The following DPP4 variants were observed in gnomAD, a reference collection of about 807,000 sequenced individuals.
DPP4 encodes the protein ADCP-2.
A neutral mutation model predicts 122.4 loss-of-function variants in DPP4; 93 were observed. That is an observed-to-expected ratio of 0.76 (90% CI 0.64 to 0.90). DPP4 has a LOEUF of 0.90. Ranked by LOEUF, DPP4 falls within the 40% of genes least tolerant of loss-of-function variation. The probability of loss-of-function intolerance (pLI) is 0.00; values close to 1 mark genes in which losing one functional copy is unlikely to be tolerated. For synonymous variants in DPP4, 321 were observed against 302.9 expected, an observed-to-expected ratio of 1.06 and a Z score of -0.62; for missense variants, 914 against 907.3, an observed-to-expected ratio of 1.01 and a Z score of -0.09.
intron 22 of DPP4, among the ~76,000 whole-genome samples, chr2:162,006,638 T>C (rs750174303): frequency 6.6e-6 from 1 of 152,148 alleles, no homozygotes; most frequent in Non-Finnish European, 1.5e-5. Flanking sequence ...CATAATTGGT[T>C]TGGTTATTTT....
At chr2:162,006,897 A>G (rs1021134864) in intron 22 of DPP4, among the ~76,000 whole-genome samples, 7 of 152,116 alleles carry the variant, frequency 4.6e-5, no homozygotes, top group African/African-American at 1.4e-4. Context: ...AAGTATTTCA[A>G]AACTGATTTC....
At chr2:161,994,249 A>T (rs1366424173) in intron 25 of DPP4, among the ~76,000 whole-genome samples, 1 of 152,150 alleles carries the variant, frequency 6.6e-6, no homozygotes, top group African/African-American at 2.4e-5. Flanking sequence ...TAACTGTCCC[A>T]CTCCTGTGCA....
chr2:162,016,709 A>C (rs1256198347), intron 18 of DPP4, 59 bp downstream of exon 18: 1 of 1,093,294 alleles, frequency 9.1e-7, no homozygotes, highest in Non-Finnish European at 1.3e-6. Flanking sequence ...TCGAATTACT[A>C]TAGTTAGAGT....
chr2:162,070,551 C>T (rs1685082437), intron 2 of DPP4, among the ~76,000 whole-genome samples: 1 of 151,846 alleles, frequency 6.6e-6, no homozygotes, highest in Admixed American at 6.6e-5. Flanking sequence ...TTCCTTCTTC[C>T]TTTCCTTTCC....
intron 2 of DPP4, among the ~76,000 whole-genome samples, chr2:162,062,660 T>C (rs1362009030): frequency 6.6e-6 from 1 of 152,258 alleles, no homozygotes; most frequent in East Asian, 1.9e-4. Flanking sequence ...CCTGGCCATA[T>C]GGCCCCTCCA....
intron 9 of DPP4, among the ~76,000 whole-genome samples, chr2:162,034,216 AT>A (rs1202510848): frequency 1.3e-5 from 2 of 152,116 alleles, no homozygotes; most frequent in Non-Finnish European, 2.9e-5. Context: ...ACTGAAACCT[AT>A]AAAACCTTTT....
At chr2:162,022,435 G>A (rs949493761) in intron 12 of DPP4, among the ~76,000 whole-genome samples, 1 of 152,174 alleles carries the variant, frequency 6.6e-6, no homozygotes, top group Admixed American at 6.5e-5. Context: ...CTTCAAATGT[G>A]AGGTCACTGG....
intron 2 of DPP4, among the ~76,000 whole-genome samples, chr2:162,062,212 G>A (rs1230225506): frequency 1.3e-5 from 2 of 152,172 alleles, no homozygotes; most frequent in African/African-American, 4.8e-5. Flanking sequence ...AAACTGGGAG[G>A]CAGTGGTTGC....
chr2:162,023,391 C>T (rs944938321), intron 11 of DPP4, among the ~76,000 whole-genome samples: 28 of 152,176 alleles, frequency 1.8e-4, no homozygotes, highest in African/African-American at 6.5e-4. Flanking sequence ...AAACAACTCC[C>T]CATTTCTTAC....
At chr2:162,002,494 T>C (rs1701175908) in intron 23 of DPP4, among the ~76,000 whole-genome samples, 2 of 152,206 alleles carry the variant, frequency 1.3e-5, no homozygotes, top group Admixed American at 1.3e-4. Context: ...CTTTGGTCAT[T>C]CCTAATCCTC....
intron 19 of DPP4, 84 bp from the exon 20 acceptor site, chr2:162,012,071 G>T: frequency 7.4e-7 from 1 of 1,357,904 alleles, no homozygotes; most frequent in Non-Finnish European, 1.0e-6. Context: ...CCGTGGAGAA[G>T]TATGCATCCT....
At chr2:162,047,354 C>T (rs1206613369) in intron 3 of DPP4, 49 bp downstream of exon 3, 1 of 1,108,100 alleles carries the variant, frequency 9.0e-7, no homozygotes, top group African/African-American at 1.6e-5. Flanking sequence ...CTCGACTTAA[C>T]TAGAATGAAT....
At chr2:162,025,733 G>A (rs772518745) in intron 10 of DPP4, among the ~76,000 whole-genome samples, 3 of 152,086 alleles carry the variant, frequency 2.0e-5, no homozygotes, top group Admixed American at 2.0e-4. Context: ...CCTCCTCCCC[G>A]ATTGTGGTTT....
chr2:162,066,546 A>G (rs1684953590), intron 2 of DPP4, among the ~76,000 whole-genome samples: 1 of 152,150 alleles, frequency 6.6e-6, no homozygotes, highest in African/African-American at 2.4e-5. Flanking sequence ...ACTTGCCTAT[A>G]ATTTGCCTGC....
At chr2:162,041,784 C>G (rs1683996031) in intron 5 of DPP4, among the ~76,000 whole-genome samples, 1 of 152,132 alleles carries the variant, frequency 6.6e-6, no homozygotes, top group African/African-American at 2.4e-5. Context: ...GAAACAGATT[C>G]ATTATTCTAT....
intron 2 of DPP4, among the ~76,000 whole-genome samples, chr2:162,055,700 C>T (rs1684549073): frequency 6.6e-6 from 1 of 151,738 alleles, no homozygotes; most frequent in Non-Finnish European, 1.5e-5. Context: ...CACTGTGGTA[C>T]ATCCAGGGGC....
intron 4 of DPP4, 69 bp downstream of exon 4, chr2:162,046,846 G>A (rs772355374): frequency 4.8e-5 from 48 of 998,782 alleles, no homozygotes; most frequent in Admixed American, 8.8e-5. Context: ...GACAGTACTC[G>A]TGATTCCAAA....
Position 162,074,062 on chromosome 2 carries a change from G to A in DPP4, c.-81C>T. ...CGCGGGCGGCGGAGACGCGCGTCCT[G>A]CACCGCTGCTCCGGGCGGTGGAGTC... On this transcript the variant is annotated 5_prime_UTR_variant, in exon 1 of 26. Coordinates refer to ENST00000360534, the MANE Select transcript of DPP4 (RefSeq NM_001935.4). The A allele has an allele frequency of 6.4e-7, 1 of 1,562,628 alleles. No homozygotes were observed. The highest frequency in any genetic ancestry group is 8.7e-7 in the Non-Finnish European group (1 of 1,155,308).
chr2:162,038,496 T>C (rs1422119332), intron 7 of DPP4, 74 bp from the exon 8 acceptor site: 1 of 1,441,750 alleles, frequency 6.9e-7, no homozygotes, highest in Admixed American at 2.3e-5. Context: ...TAGAAACACT[T>C]ATCTATTGCA....
Sources: allele counts gnomAD v4.1 joint callset (sites outside exome capture counted in the v4.1 genomes callset), GRCh38; gene constraint gnomAD v4.1.1; transcripts MANE v1.5; gene names NCBI Gene and HGNC (gene_info 2026-07-23, HGNC 2026-07-21).